MSANTD2: variants seen among roughly 807,000 people sequenced by gnomAD.
The protein encoded by MSANTD2 is Myb/SANT DNA binding domain containing 2.
A neutral mutation model predicts 52.6 loss-of-function variants in MSANTD2; 19 were observed. The ratio of observed to expected loss-of-function variants is 0.36; its 90% CI spans 0.25 to 0.53. MSANTD2 has a LOEUF of 0.53. Ranked by LOEUF, MSANTD2 falls within the 20% of genes least tolerant of loss-of-function variation. The pLI is 0.91. For synonymous variants in MSANTD2, 291 were observed against 289.7 expected (o/e 1.00, Z -0.04); for missense variants, 558 against 716.3 (o/e 0.78, Z 2.52).
chr11:124,787,228 A>G (rs1282724478), intron 1 of MSANTD2, among the ~76,000 whole-genome samples: 21 of 152,368 alleles, frequency 1.4e-4, no homozygotes, highest in Non-Finnish European at 1.0e-4. Flanking sequence ...AAAGTGTGGT[A>G]TCACGAGGCG....
At chr11:124,772,742 C>CAAAAA (rs57859579) in intron 3 of MSANTD2, among the ~76,000 whole-genome samples, 12 of 57,924 alleles carry the variant, frequency 2.1e-4, no homozygotes, top group Non-Finnish European at 3.3e-4. Context: ...GATTCCGTCT[C>CAAAAA]AAAAAAAAAA....
At chr11:124,770,781 T>G (rs1366339173) in intron 3 of MSANTD2, among the ~76,000 whole-genome samples, 3 of 74,656 alleles carry the variant, frequency 4.0e-5, no homozygotes, top group Non-Finnish European at 7.3e-5. Flanking sequence ...AATTTTTTGG[T>G]TTTTTTTTTT....
At position 124,767,249 on chromosome 11, in the gene MSANTD2, T is replaced by C. The variant is rs1451454497; in HGVS notation, c.1607A>G (p.Asp536Gly). Residue 536 changes from aspartate (D) to glycine (G), a missense_variant, in exon 4 of 4, where the codon GAT becomes GGT. Physicochemically the swap from Asp to Gly is moderately conservative, Grantham distance 94 (BLOSUM62 -1). Coordinates refer to ENST00000374979, the MANE Select transcript of MSANTD2 (RefSeq NM_001308027.2). The surrounding 1 kb of genome is among the most constrained non-coding windows in gnomAD (Gnocchi z 6.5). ...IYIKFVEVER[D>G]FLSAGSLVEC... ...AACTAAAGAGCCTGCGGAAAGAAAA[T>C]CCCTCTCTACTTCTACAAATTTGAT... The C allele has an allele frequency of 8.1e-6, 13 of 1,614,008 alleles. No individual in the cohort carries two copies. The highest frequency in any genetic ancestry group is 1.1e-5 in the Non-Finnish European group (13 of 1,179,996).
intron 1 of MSANTD2, among the ~76,000 whole-genome samples, chr11:124,780,595 A>AG (rs1944922552): frequency 1.3e-5 from 2 of 152,292 alleles, no homozygotes; most frequent in Admixed American, 1.3e-4. Context: ...TACGATTTCA[A>AG]GGGGGTACCT....
At chr11:124,786,423 A>C (rs994332365) in intron 1 of MSANTD2, among the ~76,000 whole-genome samples, 1 of 152,222 alleles carries the variant, frequency 6.6e-6, no homozygotes, top group Non-Finnish European at 1.5e-5. Flanking sequence ...ACATTAGGTA[A>C]ACAATGGCAG....
rs1326181301 is a variant in MSANTD2 at position 124,767,615 on chromosome 11, C to T, written c.1241G>A (p.Gly414Glu). The change falls in exon 4 of 4, where the codon GGG becomes GAG. Residue 414 changes from glycine (G) to glutamate (E), a missense_variant. By Grantham distance (98) the Gly-to-Glu change is moderately conservative. This residue lies in a region of MSANTD2 where 408 missense variants were observed against 573.6 expected (regional missense o/e 0.71). Coordinates refer to ENST00000374979, the MANE Select transcript of MSANTD2 (RefSeq NM_001308027.2). The surrounding 1 kb of genome is among the most constrained non-coding windows in gnomAD (Gnocchi z 6.5). ...AAGGCCTGGGCTTTTAGGAATACCC[C>T]CAGGCAATAAATATTGAACAACATT... ...GGNVVQYLLP[G>E]GIPKSPGLYA... The T allele has an allele frequency of 6.2e-6, 10 of 1,614,166 alleles. No individual in the cohort carries two copies. The highest frequency in any genetic ancestry group is 8.5e-6 in the Non-Finnish European group (10 of 1,180,028).
intron 2 of MSANTD2, 181 bp from the exon 3 acceptor site, chr11:124,773,235 A>ATT (rs2135236024): frequency 2.2e-6 from 1 of 457,768 alleles, no homozygotes; most frequent in South Asian, 3.5e-5. Context: ...AGATGCATAC[A>ATT]TTTATATGTA....
intron 1 of MSANTD2, among the ~76,000 whole-genome samples, chr11:124,795,371 A>T (rs1945461439): frequency 6.6e-6 from 1 of 152,170 alleles, no homozygotes; most frequent in African/African-American, 2.4e-5. Context: ...GGGACTTGAG[A>T]ATGAGTTTTG....
intron 3 of MSANTD2, among the ~76,000 whole-genome samples, chr11:124,768,604 C>G (rs1384849268): frequency 2.0e-5 from 3 of 152,128 alleles, no homozygotes; most frequent in Non-Finnish European, 4.4e-5. Flanking sequence ...TGGCTAATGA[C>G]CTTTTTAAAA....
chr11:124,790,086 T>G (rs1431195689), intron 1 of MSANTD2: 1 of 152,272 alleles, frequency 6.6e-6, no homozygotes, highest in Non-Finnish European at 1.5e-5. Flanking sequence ...AGAAAACAAC[T>G]GCTGGTTCTA....
rs139994257 is a variant in MSANTD2 at position 124,774,752 on chromosome 11, C to G, written c.733G>C (p.Asp245His). 5.0e-6 allele frequency: 8 copies of G among 1,614,062 alleles called. No homozygotes were observed. Among genetic ancestry groups the G allele is most frequent in the African/African-American group, 1.3e-5 (1 of 74,914 alleles). ...SQEDWGNHSQ[D>H]LHGYPTDQEL... is the part of the protein sequence containing the mutation. ...TGATCTGTTGGATAGCCATGGAGAT[C>G]CTGACTGTGGTTTCCCCAGTCCTCC... The change falls in exon 2 of 4, where the codon GAT becomes CAT. Residue 245 changes from aspartate to histidine, a missense_variant. Coordinates refer to ENST00000374979, the MANE Select transcript of MSANTD2 (RefSeq NM_001308027.2). This position sits in a 1 kb window ranked among gnomAD's most constrained non-coding sequence, Gnocchi z 5.1.
intron 1 of MSANTD2, chr11:124,775,943 T>C (rs1591449968): frequency 6.6e-6 from 1 of 152,240 alleles, no homozygotes; most frequent in Admixed American, 6.5e-5. Flanking sequence ...TGCTATCTTA[T>C]ATGGCATTTC....
chr11:124,773,801 C>G (rs1944632585), intron 2 of MSANTD2, among the ~76,000 whole-genome samples: 1 of 152,172 alleles, frequency 6.6e-6, no homozygotes, highest in Non-Finnish European at 1.5e-5. Flanking sequence ...GCTCAGGGAG[C>G]ATGTTTATAC....
chr11:124,766,877 T>G lies in MSANTD2; in HGVS notation c.*299A>C. 1 of 252,190 alleles carries G rather than the reference T, an allele frequency of 4.0e-6. No homozygotes were observed. Among genetic ancestry groups the G allele is most frequent in the Non-Finnish European group, 7.5e-6 (1 of 132,870 alleles). The allele number at this position is 252,190 out of a possible 1,614,324, so 15.6% of individuals were successfully genotyped here. On this transcript the variant is annotated 3_prime_UTR_variant, in exon 4 of 4. Coordinates refer to ENST00000374979, the MANE Select transcript of MSANTD2 (RefSeq NM_001308027.2). ...CCAATATGGAATGTACCTACATTTG[T>G]TTATATTAGGGCTCTAAAATCCATT...
chr11:124,770,405 C>A (rs993144962), intron 3 of MSANTD2, among the ~76,000 whole-genome samples: 2 of 151,798 alleles, frequency 1.3e-5, no homozygotes, highest in Non-Finnish European at 1.5e-5. Flanking sequence ...CTCAAGTAAC[C>A]CCCCACCTCA....
rs1331510785 is a variant in MSANTD2 at position 124,774,112 on chromosome 11, CAG to C, written c.766+605_766+606del. The stretch of plus-strand genomic sequence containing the variant: ...ATGCCTATGACTGTATAAATAATTC[CAG>C]CTACTGTTGGGATGCGATCCCTTAA... On this transcript the variant is annotated intron_variant, in intron 2 of 3. Coordinates refer to ENST00000374979, the MANE Select transcript of MSANTD2 (RefSeq NM_001308027.2). The surrounding 1 kb of genome is among the most constrained non-coding windows in gnomAD (Gnocchi z 5.1). Among the ~76,000 whole-genome samples, 2 of 152,120 alleles carry C rather than the reference CAG, an allele frequency of 1.3e-5. No homozygotes were observed. Among genetic ancestry groups the C allele is most frequent in the Non-Finnish European group, 2.9e-5 (2 of 68,026 alleles).
chr11:124,791,558 A>G lies in MSANTD2; in HGVS notation c.510+8313T>C, dbSNP rs899957929. 8.2e-6 allele frequency: 10 copies of G among 1,214,856 alleles called. No individual in the cohort carries two copies. The African/African-American group carries it at 1.5e-4, about 18-fold the overall frequency. 75.3% of individuals were successfully genotyped at this position (1,214,856 alleles called of 1,614,324 possible). A position where few individuals can be genotyped will look rare whatever the true frequency, so the allele number is the denominator to read the frequency against. ...GAAGGGTGCAGACAGAAGGGTCACC[A>G]ATGTGACCCTGAGCTGCCAGTCTCC... On this transcript the variant is annotated intron_variant, in intron 1 of 3. Transcript: ENST00000374979.
rs367669273 is a variant in MSANTD2 at position 124,774,700 on chromosome 11, T to C, written c.766+19A>G. ...TAAATATACACAAACATAAGTATCA[T>C]ATATGTTGGCTTTCTTACCCAATTC... On this transcript the variant is annotated intron_variant, in intron 2 of 3. Coordinates refer to ENST00000374979, the MANE Select transcript of MSANTD2 (RefSeq NM_001308027.2). The surrounding 1 kb of genome is among the most constrained non-coding windows in gnomAD (Gnocchi z 5.1). 9.0e-5 allele frequency: 145 copies of C among 1,609,918 alleles called. No homozygotes were observed. The highest frequency in any genetic ancestry group is 1.2e-4 in the Non-Finnish European group (143 of 1,176,942).
chr11:124,782,934 A>T (rs555480520), intron 1 of MSANTD2, among the ~76,000 whole-genome samples: 133 of 152,312 alleles, frequency 8.7e-4, no homozygotes, highest in African/African-American at 3.0e-3. Flanking sequence ...AGGCTATTTT[A>T]AAAATATCTA....
Sources: gnomAD v4.1 joint callset for allele counts (sites outside exome capture counted in the v4.1 genomes callset) on GRCh38, gnomAD v4.1.1 for gene constraint, gnomAD v4.1.1 regional missense constraint, Gnocchi (gnomAD v3.1) non-coding constraint, MANE v1.5 for transcripts, NCBI Gene and HGNC (gene_info 2026-07-23, HGNC 2026-07-21) for gene names.